The following RAP1GAP2 variants were observed in gnomAD, a reference collection of about 807,000 sequenced individuals.
RAP1GAP2 encodes the protein RAP1 GTPase activating protein 2, also known as rap1 GTPase-activating protein 2.
In RAP1GAP2, 27 loss-of-function variants were observed where a neutral mutation model predicts 95.0. The observed-to-expected ratio is 0.28, with a 90% CI of 0.21 to 0.39. The LOEUF is 0.39. Among genes scored for constraint, RAP1GAP2 ranks in the 10% least tolerant of loss-of-function variants. The pLI is 1.00. For synonymous variants in RAP1GAP2, 373 were observed against 380.9 expected (o/e 0.98, Z 0.24); for missense variants, 771 against 970.0 (o/e 0.79, Z 2.72).
At chr17:2,953,148 T>G (rs1174117446) in intron 3 of RAP1GAP2, among the ~76,000 whole-genome samples, 1 of 152,114 alleles carries the variant, frequency 6.6e-6, no homozygotes, top group Non-Finnish European at 1.5e-5. Flanking sequence ...TAGTTTGAGG[T>G]ATGGTCTTCC....
At chr17:2,960,878 T>TC (rs1372729682) in intron 4 of RAP1GAP2, among the ~76,000 whole-genome samples, 1 of 152,200 alleles carries the variant, frequency 6.6e-6, no homozygotes, top group African/African-American at 2.4e-5. Flanking sequence ...CACCACGTGT[T>TC]CCCCTCCTGC....
At chr17:2,964,154 G>A in intron 7 of RAP1GAP2, 86 bp downstream of exon 7, 1 of 1,313,124 alleles carries the variant, frequency 7.6e-7, no homozygotes, top group Non-Finnish European at 1.1e-6. Flanking sequence ...GGTAGGGGAT[G>A]GGGAGAGGTT....
At position 2,932,842 on chromosome 17, in the gene RAP1GAP2, A is replaced by AAAAAGG. The variant is rs140254643; in HGVS notation, c.166-24916_166-24915insAAAGGA. On this transcript the variant is annotated intron_variant, in intron 3 of 24. Coordinates refer to ENST00000254695, the MANE Select transcript of RAP1GAP2 (RefSeq NM_015085.5). ...AAAAAAAGAAAAAAAAAAAAAAAAA[A>AAAAAGG]AGAGCAGGGACCACGGGCAGGGTAT... 3.8e-3 allele frequency among the ~76,000 whole-genome samples: 353 copies of AAAAAGG among 94,122 alleles called. 62 individuals are homozygous for AAAAAGG. The highest frequency in any genetic ancestry group is 5.6e-3 in the African/African-American group (136 of 24,324). The allele number at this position is 94,122 out of a possible 152,430, so 61.7% of individuals were successfully genotyped here.
intron 3 of RAP1GAP2, among the ~76,000 whole-genome samples, chr17:2,913,435 C>A (rs544907401): frequency 8.5e-5 from 13 of 152,146 alleles, no homozygotes; most frequent in African/African-American, 3.1e-4. Context: ...ATTACAGGCA[C>A]ACGCCACCAT....
chr17:2,905,727 G>T (rs2042176257), intron 3 of RAP1GAP2, among the ~76,000 whole-genome samples: 2 of 152,234 alleles, frequency 1.3e-5, no homozygotes, highest in Non-Finnish European at 1.5e-5. Context: ...CCTGGGACTT[G>T]AAGGGCATTT....
intron 3 of RAP1GAP2, among the ~76,000 whole-genome samples, chr17:2,957,074 G>T (rs2044140404): frequency 6.6e-6 from 1 of 151,236 alleles, no homozygotes; most frequent in African/African-American, 2.4e-5. Context: ...GTTGCAGTGA[G>T]CCGAGATTGC....
intron 3 of RAP1GAP2, among the ~76,000 whole-genome samples, chr17:2,944,183 AC>A (rs781774208): frequency 0.01 from 1,449 of 140,950 alleles, 9 homozygotes; most frequent in South Asian, 0.027. Flanking sequence ...AAAAAAAAAA[AC>A]CAAACCACAA....
chr17:2,990,930 C>T (rs6502663), intron 11 of RAP1GAP2, among the ~76,000 whole-genome samples: 46,972 of 150,584 alleles, frequency 0.31, 7,470 homozygotes, highest in African/African-American at 0.34. Flanking sequence ...CTGCAACCTC[C>T]GCTTCCCAGG....
intron 2 of RAP1GAP2, among the ~76,000 whole-genome samples, chr17:2,893,247 G>A (rs2073778542): frequency 6.6e-6 from 1 of 151,968 alleles, no homozygotes; most frequent in African/African-American, 2.4e-5. Flanking sequence ...CTCCATGTTG[G>A]CCAGGCTGGT....
At chr17:2,883,051 C>T (rs906973271) in intron 2 of RAP1GAP2, among the ~76,000 whole-genome samples, 7 of 152,246 alleles carry the variant, frequency 4.6e-5, no homozygotes, top group Non-Finnish European at 7.4e-5. Flanking sequence ...AGGGAGGCTG[C>T]GGGGTTGTCT....
chr17:3,026,218 C>T (rs1211807217), intron 20 of RAP1GAP2, 97 bp downstream of exon 20: 2 of 1,294,910 alleles, frequency 1.5e-6, no homozygotes, highest in East Asian at 2.5e-5. Flanking sequence ...CATCTCCTGC[C>T]TCTGGAACTC....
Position 2,965,602 on chromosome 17 carries a change from C to T in RAP1GAP2, c.555C>T (p.Cys185=), listed in dbSNP as rs148113973. 9.9e-6 allele frequency: 16 copies of T among 1,612,354 alleles called. No homozygotes were observed. The South Asian group carries it at 1.1e-4, about 11-fold the overall frequency. ...GGAACTTGATCCTGTCCGTCAAGTG[C>T]GAGGAAGCAGAGGGGATCGAGTACC... The part of the protein sequence containing the change: ...SLGNLILSVK[C]EEAEGIEYLR... The change falls in exon 8 of 25, where the codon TGC becomes TGT. Residue 185 remains cysteine (C), a synonymous_variant. Transcript: ENST00000254695. The surrounding 1 kb of genome is among the most constrained non-coding windows in gnomAD (Gnocchi z 4.7).
At chr17:2,962,649 C>G in intron 4 of RAP1GAP2, 21 bp from the exon 5 acceptor site, 1 of 1,573,126 alleles carries the variant, frequency 6.4e-7, no homozygotes, top group Non-Finnish European at 8.6e-7. Context: ...TCTGTGGATC[C>G]TGTTTTCCTT....
At chr17:3,011,635 T>C (rs961927404) in intron 17 of RAP1GAP2, among the ~76,000 whole-genome samples, 24 of 124,834 alleles carry the variant, frequency 1.9e-4, no homozygotes, top group African/African-American at 7.1e-4. Context: ...TTTTTTGAGA[T>C]GGAGTTTTGC....
At chr17:2,969,493 A>ATTTTTTTTTTTTTTTTTTT (rs2044761423) in intron 8 of RAP1GAP2, among the ~76,000 whole-genome samples, 1 of 101,882 alleles carries the variant, frequency 9.8e-6, no homozygotes, top group African/African-American at 3.7e-5. Context: ...AAATATATAT[A>ATTTTTTTTTTTTTTTTTTT]TTCTTTTTTT....
intron 1 of RAP1GAP2, among the ~76,000 whole-genome samples, chr17:2,779,227 CCTGACTTCT>C (rs1371716434): frequency 6.6e-6 from 1 of 152,248 alleles, no homozygotes. Flanking sequence ...GGCCAAATTA[CCTGACTTCT>C]CTGAGCCTCG....
rs764128127 is a variant in RAP1GAP2, at chr17:3,030,882, C to T, written c.2108-40C>T. On this transcript the variant is annotated intron_variant, in intron 22 of 24. Transcript: ENST00000254695. Reference sequence around the variant, plus strand: ...CCCCACACACAGCCCCAGTGGCCTCCACAGCTCCACCCTCCTTTCATGGCC... The same window carrying T: ...CCCCACACACAGCCCCAGTGGCCTCTACAGCTCCACCCTCCTTTCATGGCC... 1.9e-6 allele frequency: 3 copies of T among 1,556,228 alleles called. No individual in the cohort carries two copies. In the Admixed American group the frequency reaches 5.5e-5, roughly 28 times the overall value.
At chr17:3,010,939 T>A (rs528763811) in intron 17 of RAP1GAP2, among the ~76,000 whole-genome samples, 1 of 152,200 alleles carries the variant, frequency 6.6e-6, no homozygotes, top group African/African-American at 2.4e-5. Flanking sequence ...TTTTTTAATT[T>A]TTTTTGAGGC....
At chr17:2,957,711 C>T (rs1166626169) in intron 3 of RAP1GAP2, 48 bp from the exon 4 acceptor site, 2 of 1,588,616 alleles carry the variant, frequency 1.3e-6, no homozygotes, top group Non-Finnish European at 8.6e-7. Context: ...TTGCTGTGGA[C>T]CTCCCGGCTG....
Sources: allele counts gnomAD v4.1 joint callset (sites outside exome capture counted in the v4.1 genomes callset), GRCh38; gene constraint gnomAD v4.1.1; non-coding constraint Gnocchi (gnomAD v3.1); transcripts MANE v1.5; gene names NCBI Gene and HGNC (gene_info 2026-07-23, HGNC 2026-07-21).